KCNH8: variants seen among roughly 807,000 people sequenced by gnomAD.
KCNH8 encodes the protein voltage-gated delayed rectifier potassium channel KCNH8.
In KCNH8, 70 loss-of-function variants were observed where a neutral mutation model predicts 103.6. The ratio of observed to expected loss-of-function variants is 0.68; its 90% CI spans 0.56 to 0.82. The LOEUF (loss-of-function observed/expected upper bound fraction) is 0.82. KCNH8 is among the 40% of genes least tolerant of loss of function. KCNH8 has a pLI of 0.00. For missense variants in KCNH8, 1,217 were observed against 1,329.9 expected, an observed-to-expected ratio of 0.92 and a Z score of 1.32; for synonymous variants, 498 against 489.4, an observed-to-expected ratio of 1.02 and a Z score of -0.23.
chr3:19,336,443 T>TA (rs1279090031), intron 3 of KCNH8, among the ~76,000 whole-genome samples: 1 of 151,916 alleles, frequency 6.6e-6, no homozygotes, highest in African/African-American at 2.4e-5. Context: ...AATCAACTGT[T>TA]ATGAATGTTC....
chr3:19,284,508 GGTGTGTGTGTGTGTGTGTGTGT>G lies in KCNH8; in HGVS notation c.442+3203_442+3224del, dbSNP rs66509260. 2.5e-4 allele frequency among the ~76,000 whole-genome samples: 34 copies of G among 136,622 alleles called. 1 individual carries two copies. In the South Asian group the frequency reaches 8.1e-3, roughly 33 times the overall value. The allele number at this position is 136,622 out of a possible 152,430, so 89.6% of individuals were successfully genotyped here. A position where few individuals can be genotyped will look rare whatever the true frequency, so the allele number is the denominator to read the frequency against. On this transcript the variant is annotated intron_variant, in intron 3 of 15. Transcript: ENST00000328405. ...ATAGCTTTCAGCTGGTGGATCTGCT[GGTGTGTGTGTGTGTGTGTGTGT>G]GTGTGTGTGTGTGTGTGTGTGTGAG...
intron 15 of KCNH8, among the ~76,000 whole-genome samples, chr3:19,532,938 C>T (rs2069189473): frequency 6.6e-6 from 1 of 152,132 alleles, no homozygotes; most frequent in Admixed American, 6.6e-5. Flanking sequence ...TTTTTCATGG[C>T]TCACGCCTGA....
At chr3:19,196,177 T>A (rs2063600121) in intron 1 of KCNH8, among the ~76,000 whole-genome samples, 1 of 152,008 alleles carries the variant, frequency 6.6e-6, no homozygotes, top group African/African-American at 2.4e-5. Context: ...CTTTGTTCAG[T>A]TATTGTCTTC....
At chr3:19,509,611 A>T (rs944938748) in intron 11 of KCNH8, among the ~76,000 whole-genome samples, 3 of 152,218 alleles carry the variant, frequency 2.0e-5, no homozygotes, top group Non-Finnish European at 2.9e-5. Flanking sequence ...AGCCTAAGTG[A>T]ATAAGATATA....
At chr3:19,432,945 A>G (rs2067144248) in intron 7 of KCNH8, among the ~76,000 whole-genome samples, 1 of 152,244 alleles carries the variant, frequency 6.6e-6, no homozygotes, top group African/African-American at 2.4e-5. Context: ...AGAGCTCTAC[A>G]GTAGCTGCTC....
At chr3:19,288,451 A>G (rs1013442939) in intron 3 of KCNH8, among the ~76,000 whole-genome samples, 11 of 151,372 alleles carry the variant, frequency 7.3e-5, no homozygotes, top group Non-Finnish European at 1.5e-4. Flanking sequence ...TCATTGTTCA[A>G]TTCCCACCTA....
intron 5 of KCNH8, among the ~76,000 whole-genome samples, chr3:19,352,988 C>T (rs934756207): frequency 1.3e-5 from 2 of 151,456 alleles, no homozygotes; most frequent in Non-Finnish European, 1.5e-5. Context: ...AGACCACTAG[C>T]AAGACTAATA....
chr3:19,530,175 G>A (rs1194435993), intron 15 of KCNH8, among the ~76,000 whole-genome samples: 1 of 152,152 alleles, frequency 6.6e-6, no homozygotes, highest in African/African-American at 2.4e-5. Context: ...TTAGGATGAA[G>A]ACAGGTTGGT....
intron 5 of KCNH8, among the ~76,000 whole-genome samples, chr3:19,382,257 GGGTAAGAATTATAGTAAATCAT>G (rs1201107541): frequency 6.6e-6 from 1 of 152,098 alleles, no homozygotes; most frequent in African/African-American, 2.4e-5. Flanking sequence ...GCTGGAAGCA[GGGTAAGAATTATAGTAAATCAT>G]GTTTTGGTGG....
At chr3:19,436,457 A>G (rs1328535407) in intron 7 of KCNH8, among the ~76,000 whole-genome samples, 1 of 152,236 alleles carries the variant, frequency 6.6e-6, no homozygotes, top group African/African-American at 2.4e-5. Flanking sequence ...TCATTTCAGA[A>G]GAGCCATTCT....
chr3:19,486,748 T>G (rs35640367), intron 11 of KCNH8, among the ~76,000 whole-genome samples: 1 of 151,938 alleles, frequency 6.6e-6, no homozygotes, highest in Non-Finnish European at 1.5e-5. Flanking sequence ...CGTACAAAGG[T>G]TGGGCTAGTA....
At chr3:19,473,811 A>G (rs1184322202) in intron 11 of KCNH8, among the ~76,000 whole-genome samples, 1 of 152,234 alleles carries the variant, frequency 6.6e-6, no homozygotes, top group Non-Finnish European at 1.5e-5. Flanking sequence ...GATTGAGAAC[A>G]TAAGTGAAAG....
At chr3:19,490,854 A>G (rs567269716) in intron 11 of KCNH8, among the ~76,000 whole-genome samples, 2 of 152,300 alleles carry the variant, frequency 1.3e-5, no homozygotes, top group Admixed American at 1.3e-4. Flanking sequence ...CACCAGCTAT[A>G]AGAGACTCAC....
intron 2 of KCNH8, among the ~76,000 whole-genome samples, chr3:19,262,994 T>C (rs376878287): frequency 1.3e-5 from 2 of 152,210 alleles, no homozygotes; most frequent in East Asian, 3.9e-4. Context: ...TATAAAGTTC[T>C]CCTCAGGCTG....
intron 1 of KCNH8, among the ~76,000 whole-genome samples, chr3:19,153,625 TTTC>T (rs1209469005): frequency 5.3e-5 from 8 of 150,364 alleles, no homozygotes; most frequent in African/African-American, 1.5e-4. Flanking sequence ...TTTTCTTTTC[TTTC>T]TTTTTTCTTT....
chr3:19,222,014 C>T (rs2063881043), intron 1 of KCNH8, among the ~76,000 whole-genome samples: 1 of 151,850 alleles, frequency 6.6e-6, no homozygotes, highest in South Asian at 2.1e-4. Flanking sequence ...CACCAGGCTA[C>T]TTTTTTTTGT....
chr3:19,395,303 G>T lies in KCNH8; in HGVS notation c.1169G>T (p.Trp390Leu). The change falls in exon 7 of 16, where the codon TGG (tryptophan) becomes TTG (leucine). Residue 390 changes from tryptophan (W) to leucine (L), a missense_variant. By Grantham distance (61) the Trp-to-Leu change is moderately conservative. Transcript: ENST00000328405. ...MEREDNSLLK[W>L]EVGWLHELGK... Reference sequence around the variant, plus strand: ...AGGGAAGACAACAGCCTTCTGAAGTGGGAAGTTGGTAAGGGCTTACATTTG... The same window carrying T: ...AGGGAAGACAACAGCCTTCTGAAGTTGGAAGTTGGTAAGGGCTTACATTTG... 6.2e-7 allele frequency: 1 copy of T among 1,608,780 alleles called. No homozygotes were observed. The highest frequency in any genetic ancestry group is 8.5e-7 in the Non-Finnish European group (1 of 1,176,894).
chr3:19,150,745 C>T (rs570297949), intron 1 of KCNH8, among the ~76,000 whole-genome samples: 1 of 152,192 alleles, frequency 6.6e-6, no homozygotes, highest in African/African-American at 2.4e-5. Context: ...TAAAGAAGAC[C>T]ATCCTGACAT....
intron 8 of KCNH8, among the ~76,000 whole-genome samples, chr3:19,445,104 G>C (rs2067343857): frequency 6.6e-6 from 1 of 151,920 alleles, no homozygotes; most frequent in South Asian, 2.1e-4. Context: ...TAAGTAAATT[G>C]TGAAATACCT....
Sources: gnomAD v4.1 joint callset for allele counts (sites outside exome capture counted in the v4.1 genomes callset) on GRCh38, gnomAD v4.1.1 for gene constraint, MANE v1.5 for transcripts, NCBI Gene and HGNC (gene_info 2026-07-23, HGNC 2026-07-21) for gene names.